Variants in HIP1 observed in about 807,000 individuals in gnomAD.
HIP1 encodes the protein huntingtin-interacting protein 1.
A neutral mutation model predicts 147.6 loss-of-function variants in HIP1; 65 were observed. The ratio of observed to expected loss-of-function variants is 0.44; its 90% CI spans 0.36 to 0.54. HIP1 has a LOEUF of 0.54. Among genes scored for constraint, HIP1 ranks in the 20% least tolerant of loss-of-function variants. The probability of loss-of-function intolerance (pLI) is 0.00; values close to 1 mark genes in which losing one functional copy is unlikely to be tolerated. For missense variants in HIP1, 1,061 were observed against 1,299.6 expected (o/e 0.82, Z 2.82); for synonymous variants, 479 against 504.0 (o/e 0.95, Z 0.67).
chr7:75,609,903 C>CTTT lies in HIP1; in HGVS notation c.121-10659_121-10657dup, dbSNP rs56106169. On this transcript the variant is annotated intron_variant, in intron 1 of 30. Transcript: ENST00000336926. ...TTCCTTCTTTCTTTTCTCTTCTTTT[C>CTTT]TTTTTTTTTTTTTTTTTGAGACAAA... Among the ~76,000 whole-genome samples the CTTT allele has an allele frequency of 3.6e-3, 469 of 130,982 alleles. 3 individuals carry two copies. The highest frequency in any genetic ancestry group is 0.01 in the African/African-American group (363 of 35,450). 85.9% of individuals were successfully genotyped at this position (130,982 alleles called of 152,430 possible).
At chr7:75,627,844 GTC>G (rs1798095831) in intron 1 of HIP1, among the ~76,000 whole-genome samples, 1 of 152,158 alleles carries the variant, frequency 6.6e-6, no homozygotes. Flanking sequence ...CAGGATGATG[GTC>G]AAGGGGAGCT....
chr7:75,682,814 C>T (rs1412502907), intron 1 of HIP1, among the ~76,000 whole-genome samples: 1 of 152,126 alleles, frequency 6.6e-6, no homozygotes, highest in Non-Finnish European at 1.5e-5. Flanking sequence ...GCCACCTCCT[C>T]CTTGCTAATG....
intron 1 of HIP1, among the ~76,000 whole-genome samples, chr7:75,636,860 G>A (rs1798443053): frequency 6.6e-6 from 1 of 152,130 alleles, no homozygotes; most frequent in African/African-American, 2.4e-5. Flanking sequence ...GGACTTGCTG[G>A]TCTGGCCCCA....
rs1795133154 is a variant in HIP1, at chr7:75,559,253, T to C, written c.1375+479A>G. On this transcript the variant is annotated intron_variant, in intron 14 of 30. Coordinates refer to ENST00000336926, the MANE Select transcript of HIP1 (RefSeq NM_005338.7). ...TCTCAGCCTCAAGAGTAGCTGGGAC[T>C]ACAGGCACGTGCCACCATGCCCGGC... 1.3e-5 allele frequency among the ~76,000 whole-genome samples: 2 copies of C among 152,172 alleles called. 1 individual carries two copies. Among genetic ancestry groups the C allele is most frequent in the Non-Finnish European group, 2.9e-5 (2 of 68,026 alleles).
At chr7:75,692,729 C>T (rs556890573) in intron 1 of HIP1, among the ~76,000 whole-genome samples, 55 of 152,108 alleles carry the variant, frequency 3.6e-4, no homozygotes, top group South Asian at 3.1e-3. Flanking sequence ...TGCGCCCAGA[C>T]ACTTTATTAA....
chr7:75,708,390 G>C (rs144429183), intron 1 of HIP1, among the ~76,000 whole-genome samples: 2,350 of 152,248 alleles, frequency 0.015, 32 homozygotes, highest in Non-Finnish European at 0.025. Flanking sequence ...GTTGTTGCCT[G>C]TGCCTTTTGG....
chr7:75,667,913 T>C (rs12666173), intron 1 of HIP1, among the ~76,000 whole-genome samples: 14,947 of 152,340 alleles, frequency 0.098, 805 homozygotes, highest in East Asian at 0.15. Flanking sequence ...ACTTTGATTT[T>C]ATAAAACAGA....
At chr7:75,689,651 C>T (rs972668630) in intron 1 of HIP1, among the ~76,000 whole-genome samples, 4 of 152,088 alleles carry the variant, frequency 2.6e-5, no homozygotes, top group South Asian at 2.1e-4. Context: ...TTCAAGGACA[C>T]GCTCCTTGGA....
chr7:75,579,325 C>CA (rs1320802383), intron 7 of HIP1, among the ~76,000 whole-genome samples: 2 of 152,044 alleles, frequency 1.3e-5, no homozygotes, highest in African/African-American at 4.8e-5. Flanking sequence ...GTTGGTCTTT[C>CA]TTTTTTCTGA....
chr7:75,538,212 G>A lies in HIP1; in HGVS notation c.3074C>T (p.Ser1025Phe). 6.2e-7 allele frequency: 1 copy of A among 1,612,986 alleles called. No individual in the cohort carries two copies. The highest frequency in any genetic ancestry group is 8.5e-7 in the Non-Finnish European group (1 of 1,179,086). The change falls in exon 31 of 31, where the codon TCT becomes TTT. Residue 1025 changes from serine to phenylalanine, a missense_variant. Physicochemically the swap from Ser to Phe is radical, Grantham distance 155. Coordinates refer to ENST00000336926, the MANE Select transcript of HIP1 (RefSeq NM_005338.7). ...AEGWEEGTEA[S>F]PPTLQEVVTE... ...TACCACTTCTTGCAGTGTAGGTGGAGATGCCTCTGTTCCTAAAAGACAATG... is the reference window on the plus strand; with the variant it reads ...TACCACTTCTTGCAGTGTAGGTGGAAATGCCTCTGTTCCTAAAAGACAATG...
chr7:75,631,266 G>A (rs1421359679), intron 1 of HIP1, among the ~76,000 whole-genome samples: 1 of 152,070 alleles, frequency 6.6e-6, no homozygotes, highest in Non-Finnish European at 1.5e-5. Context: ...AAGCCACCAT[G>A]CCTGGCTTGT....
chr7:75,633,365 T>A (rs1798305938), intron 1 of HIP1, among the ~76,000 whole-genome samples: 1 of 152,142 alleles, frequency 6.6e-6, no homozygotes, highest in African/African-American at 2.4e-5. Flanking sequence ...CGATCTCAGC[T>A]TACTGCAACC....
chr7:75,669,341 C>G (rs1554515007), intron 1 of HIP1, among the ~76,000 whole-genome samples: 1 of 152,130 alleles, frequency 6.6e-6, no homozygotes, highest in East Asian at 1.9e-4. Flanking sequence ...CCACTGCACT[C>G]TAGCCTGGGC....
At chr7:75,697,630 T>C (rs988770415) in intron 1 of HIP1, among the ~76,000 whole-genome samples, 6 of 152,174 alleles carry the variant, frequency 3.9e-5, no homozygotes, top group African/African-American at 1.4e-4. Flanking sequence ...CTGGCCAACA[T>C]AGTAAAACCC....
chr7:75,549,435 A>G (rs1313918103), intron 22 of HIP1, among the ~76,000 whole-genome samples: 3 of 148,510 alleles, frequency 2.0e-5, no homozygotes, highest in South Asian at 2.1e-4. Flanking sequence ...CAGTGGCACA[A>G]TCTCGGCTCA....
chr7:75,599,417 C>T (rs781921276), intron 1 of HIP1, among the ~76,000 whole-genome samples, 170 bp from the exon 2 acceptor site: 7 of 152,126 alleles, frequency 4.6e-5, no homozygotes, highest in African/African-American at 9.7e-5. Context: ...AGGTGGGCAG[C>T]GCTCCCAGGA....
chr7:75,650,392 A>T (rs1798932186), intron 1 of HIP1, among the ~76,000 whole-genome samples: 2 of 150,004 alleles, frequency 1.3e-5, no homozygotes, highest in South Asian at 2.1e-4. Flanking sequence ...TACTGGGGAG[A>T]GGTTTTTCCA....
At chr7:75,561,299 G>A in intron 13 of HIP1, 30 bp downstream of exon 13, 1 of 1,483,770 alleles carries the variant, frequency 6.7e-7, no homozygotes. Flanking sequence ...TTTTGGTGAA[G>A]CGCAAAGGCA....
intron 1 of HIP1, among the ~76,000 whole-genome samples, chr7:75,709,436 C>T (rs1433606268): frequency 6.6e-6 from 1 of 152,088 alleles, no homozygotes; most frequent in African/African-American, 2.4e-5. Flanking sequence ...CTTTTTGGTG[C>T]TATTGTAAAT....
Sources: allele counts gnomAD v4.1 joint callset (sites outside exome capture counted in the v4.1 genomes callset), GRCh38; gene constraint gnomAD v4.1.1; transcripts MANE v1.5; gene names NCBI Gene and HGNC (gene_info 2026-07-23, HGNC 2026-07-21).